The following SI variants were observed in gnomAD, a reference collection of about 807,000 sequenced individuals.
SI encodes the protein sucrase-isomaltase.
SI carries 235 observed loss-of-function variants against 253.3 expected under a neutral mutation model. The ratio of observed to expected loss-of-function variants is 0.93; its 90% CI spans 0.83 to 1.03. The LOEUF is 1.03. Ranked by LOEUF, SI falls within the 50% of genes least tolerant of loss-of-function variation. SI has a pLI of 0.00. For synonymous variants in SI, 819 were observed against 712.0 expected (o/e 1.15, Z -2.39); for missense variants, 2,442 against 2,211.1 (o/e 1.10, Z -2.09).
At chr3:165,069,010 G>A (rs1714404250) in intron 4 of SI, 68 bp downstream of exon 4, 1 of 1,152,070 alleles carries the variant, frequency 8.7e-7, no homozygotes, top group African/African-American at 1.5e-5. Flanking sequence ...TCTATTTAAG[G>A]TATTTTCCAC....
At chr3:165,084,360 T>G in the SI span, among the ~76,000 whole-genome samples, 1 of 152,160 alleles carries the variant, frequency 6.6e-6, no homozygotes, top group African/African-American at 2.4e-5. Flanking sequence ...CTAAGATAGA[T>G]GGAGAAGAGC....
At chr3:165,001,431 G>A (rs942482097) in intron 37 of SI, among the ~76,000 whole-genome samples, 1 of 151,440 alleles carries the variant, frequency 6.6e-6, no homozygotes, top group Non-Finnish European at 1.5e-5. Flanking sequence ...CATTAGATCA[G>A]AAAATGTAAT....
rs757720132 is a variant in SI, at chr3:164,994,293, G to A, written c.4805C>T (p.Ala1602Val). 17 of 1,610,994 alleles carry A rather than the reference G, an allele frequency of 1.1e-5. No homozygotes were observed. The Admixed American group carries it at 2.7e-4, about 25-fold the overall frequency. ...GGGTCGGATAACAGTGCCACCATTA[G>A]CATGAATTTCATGCATTTGTGTGTA... The part of the protein sequence containing the change: ...YFYTQMHEIH[A>V]NGGTVIRPLL... The change falls in exon 41 of 48, where the codon GCT becomes GTT. Residue 1602 changes from alanine (A) to valine (V), a missense_variant. Transcript: ENST00000264382.
chr3:165,050,701 A>G (rs1489625694), intron 13 of SI, among the ~76,000 whole-genome samples: 1 of 152,028 alleles, frequency 6.6e-6, no homozygotes, highest in African/African-American at 2.4e-5. Flanking sequence ...CATCTCTATA[A>G]TAGTCTCCTT....
chr3:165,024,692 C>A (rs749808121), intron 25 of SI, among the ~76,000 whole-genome samples: 1 of 151,258 alleles, frequency 6.6e-6, no homozygotes, highest in Non-Finnish European at 1.5e-5. Flanking sequence ...ATATTTCATT[C>A]ATTATGTTAT....
At chr3:165,088,315 C>T in the SI span, among the ~76,000 whole-genome samples, 2 of 151,728 alleles carry the variant, frequency 1.3e-5, no homozygotes, top group South Asian at 2.1e-4. Flanking sequence ...CACTGCACTC[C>T]AGCCTGGGCA....
At chr3:165,007,819 A>G in intron 36 of SI, 92 bp downstream of exon 36, 1 of 445,624 alleles carries the variant, frequency 2.2e-6, no homozygotes. Flanking sequence ...TATTCTATGT[A>G]TAGCTAACTG....
chr3:165,068,986 A>G (rs1448388937), intron 4 of SI, 92 bp downstream of exon 4: 2 of 1,076,362 alleles, frequency 1.9e-6, no homozygotes, highest in Admixed American at 3.5e-5. Flanking sequence ...TCAGGAACAT[A>G]TTTCTTATTT....
intron 4 of SI, 83 bp from the exon 5 acceptor site, chr3:165,068,914 A>G: frequency 9.6e-7 from 1 of 1,038,518 alleles, no homozygotes; most frequent in South Asian, 1.3e-5. Flanking sequence ...TATTGTATTT[A>G]CCACAAATGA....
Position 165,040,929 on chromosome 3 carries a change from G to T in SI, c.2159+11C>A. On this transcript the variant is annotated intron_variant, in intron 18 of 47. Transcript: ENST00000264382. Reference sequence around the variant, plus strand: ...AAAGGTATTATTATAATTATTGTACGTAGTACTCACTCATGAAGAACTGGT... The same window carrying T: ...AAAGGTATTATTATAATTATTGTACTTAGTACTCACTCATGAAGAACTGGT... 2 of 1,592,766 alleles carry T rather than the reference G, an allele frequency of 1.3e-6. No individual in the cohort carries two copies. Among genetic ancestry groups the T allele is most frequent in the Non-Finnish European group, 8.6e-7 (1 of 1,161,202 alleles).
intron 17 of SI, among the ~76,000 whole-genome samples, chr3:165,042,034 T>C (rs2108220731): frequency 6.6e-6 from 1 of 152,222 alleles, no homozygotes; most frequent in Non-Finnish European, 1.5e-5. Context: ...CTTCATCAAG[T>C]TCAGACCTGA....
intron 6 of SI, among the ~76,000 whole-genome samples, chr3:165,066,936 CA>C (rs1337347736): frequency 6.6e-6 from 1 of 151,790 alleles, no homozygotes. Context: ...TTGGATTCTA[CA>C]TATATATAAA....
chr3:165,066,889 C>A (rs953665492), intron 6 of SI, among the ~76,000 whole-genome samples: 1 of 151,910 alleles, frequency 6.6e-6, no homozygotes, highest in Non-Finnish European at 1.5e-5. Flanking sequence ...TGCACCTACA[C>A]CCCTCATACA....
chr3:165,072,421 A>T (rs1714643027), intron 3 of SI, among the ~76,000 whole-genome samples: 1 of 151,854 alleles, frequency 6.6e-6, no homozygotes, highest in South Asian at 2.1e-4. Flanking sequence ...AATAACAACA[A>T]CAACAACAAA....
chr3:165,075,930 A>G lies in SI; in HGVS notation c.83T>C (p.Ile28Thr), dbSNP rs752387136. 1.9e-6 allele frequency: 3 copies of G among 1,601,070 alleles called. No individual in the cohort carries two copies. The Admixed American group carries it at 5.0e-5, about 27-fold the overall frequency. Residue 28 changes from isoleucine (I) to threonine (T), a missense_variant, in exon 2 of 48, where the codon ATT becomes ACT. Physicochemically the swap from Ile to Thr is moderately conservative, Grantham distance 89. Transcript: ENST00000264382. ...VIVTIIAIALIVVLATKTPAV... is the reference protein window; with the variant it reads ...VIVTIIAIALTVVLATKTPAV... ...AGGTGTCTTAGTTGCTAAAACAACA[A>G]TTAAGGCAATAGCTATTATAGTAAC...
intron 21 of SI, 41 bp downstream of exon 21, chr3:165,037,859 G>A (rs774117638): frequency 2.2e-6 from 3 of 1,347,154 alleles, no homozygotes; most frequent in East Asian, 2.5e-5. Context: ...ATTAAGATTT[G>A]AATTTTATTT....
chr3:164,999,853 C>T (rs1262014417), intron 37 of SI, among the ~76,000 whole-genome samples: 1 of 151,464 alleles, frequency 6.6e-6, no homozygotes, highest in East Asian at 1.9e-4. Flanking sequence ...CTAATAAAGG[C>T]AATATTGTGT....
At chr3:165,026,272 AG>A (rs1321160025) in intron 25 of SI, among the ~76,000 whole-genome samples, 2 of 151,548 alleles carry the variant, frequency 1.3e-5, no homozygotes, top group African/African-American at 4.8e-5. Context: ...CTTGTCCAAC[AG>A]GAAAATATCA....
At chr3:165,055,418 C>T (rs1033263954) in intron 12 of SI, 111 bp from the exon 13 acceptor site, 2 of 663,524 alleles carry the variant, frequency 3.0e-6, no homozygotes, top group Non-Finnish European at 5.2e-6. Context: ...TATTCTACTT[C>T]TTTAGGTATA....
Sources: gnomAD v4.1 joint callset for allele counts (sites outside exome capture counted in the v4.1 genomes callset) on GRCh38, gnomAD v4.1.1 for gene constraint, MANE v1.5 for transcripts, NCBI Gene and HGNC (gene_info 2026-07-23, HGNC 2026-07-21) for gene names.